The following SLC45A1 variants were observed in gnomAD, a reference collection of about 807,000 sequenced individuals.
SLC45A1 encodes solute carrier family 45 member 1.
A neutral mutation model predicts 57.6 loss-of-function variants in SLC45A1; 28 were observed. The observed-to-expected ratio is 0.49, with a 90% CI of 0.36 to 0.67. SLC45A1 has a LOEUF of 0.67. Ranked by LOEUF, SLC45A1 falls within the 30% of genes least tolerant of loss-of-function variation. The pLI, the probability that SLC45A1 is intolerant of heterozygous loss-of-function variation, is 0.00. For missense variants in SLC45A1, 814 were observed against 1,041.5 expected, an observed-to-expected ratio of 0.78 and a Z score of 3.01; for synonymous variants, 459 against 471.5, an observed-to-expected ratio of 0.97 and a Z score of 0.34.
Position 8,330,381 on chromosome 1 carries a change from G to A in SLC45A1, c.888G>A (p.Pro296=), listed in dbSNP as rs780832242. The change falls in exon 5 of 9, where the codon CCG becomes CCA. Residue 296 remains proline (P), a synonymous_variant. Coordinates refer to ENST00000471889, the MANE Select transcript of SLC45A1 (RefSeq NM_001080397.3). This position sits in a 1 kb window ranked among gnomAD's most constrained non-coding sequence, Gnocchi z 8.4. ...TCCCTGAGAGGCCGCTGCGGCCGCC[G>A]AGTGAGAAGCGGGCAGCCATGAAGA... ...VSIPERPLRP[P]SEKRAAMKSP... 37 of 1,612,802 alleles carry A rather than the reference G, an allele frequency of 2.3e-5. No individual in the cohort carries two copies. The highest frequency in any genetic ancestry group is 1.2e-4 in the Admixed American group (7 of 59,992).
rs933145486 is a variant in SLC45A1, at chr1:8,343,362, G to A, written c.1981-385G>A. ...GTCATGTGCAGAGGACTTTGGGGGT[G>A]TAGGGCAGGTCCCATCCTGGATGAA... On this transcript the variant is annotated intron_variant, in intron 8 of 8. Coordinates refer to ENST00000471889, the MANE Select transcript of SLC45A1 (RefSeq NM_001080397.3). The surrounding 1 kb of genome is among the most constrained non-coding windows in gnomAD (Gnocchi z 7.7). Among the ~76,000 whole-genome samples, 1 of 152,196 alleles carries A rather than the reference G, an allele frequency of 6.6e-6. No individual in the cohort carries two copies. The highest frequency in any genetic ancestry group is 2.1e-4 in the South Asian group (1 of 4,834).
At chr1:8,340,967 T>A (rs1231338758) in intron 8 of SLC45A1, among the ~76,000 whole-genome samples, 5 of 151,260 alleles carry the variant, frequency 3.3e-5, no homozygotes, top group Non-Finnish European at 7.4e-5. Context: ...CTGAGGTGGG[T>A]GGATCACGAG....
At chr1:8,320,071 T>C (rs1289302026) in intron 1 of SLC45A1, among the ~76,000 whole-genome samples, 1 of 152,214 alleles carries the variant, frequency 6.6e-6, no homozygotes, top group Middle Eastern at 3.2e-3. Context: ...GAACAGTTTT[T>C]ACTAAATGTA....
chr1:8,334,439 A>G lies in SLC45A1; in HGVS notation c.1444-998A>G, dbSNP rs547402697. ...CAGCAACGCCTCTTTGCTCTCAAAC[A>G]TCTAAATTCAAAAACGACTAGTTCC... On this transcript the variant is annotated intron_variant, in intron 5 of 8. Coordinates refer to ENST00000471889, the MANE Select transcript of SLC45A1 (RefSeq NM_001080397.3). Among the ~76,000 whole-genome samples the G allele has an allele frequency of 3.7e-4, 56 of 152,314 alleles. No individual in the cohort carries two copies. The East Asian group carries it at 5.4e-3, about 15-fold the overall frequency.
At chr1:8,342,571 G>A (rs989183725) in intron 8 of SLC45A1, among the ~76,000 whole-genome samples, 2 of 152,122 alleles carry the variant, frequency 1.3e-5, no homozygotes, top group Admixed American at 6.5e-5. Flanking sequence ...TGTGGGCTTC[G>A]AGCTCCATCT....
rs773728436 is a variant in SLC45A1, at chr1:8,325,662, T to C, written c.491-156T>C. Among the ~76,000 whole-genome samples the C allele has an allele frequency of 2.4e-4, 36 of 152,152 alleles. No individual in the cohort carries two copies. Among genetic ancestry groups the C allele is most frequent in the Non-Finnish European group, 5.1e-4 (35 of 68,020 alleles). ...AAAACCCCCATCCAAGTGCAAAATA[T>C]ATGGTGAGTTTGCAGGCGGCTTTTC... is the stretch of plus-strand genomic sequence containing the variant. On this transcript the variant is annotated intron_variant, in intron 3 of 8. Transcript: ENST00000471889. The surrounding 1 kb of genome is among the most constrained non-coding windows in gnomAD (Gnocchi z 6.3).
intron 6 of SLC45A1, among the ~76,000 whole-genome samples, chr1:8,337,580 G>A (rs990564724): frequency 5.3e-5 from 8 of 152,010 alleles, no homozygotes; most frequent in South Asian, 2.1e-4. Flanking sequence ...CACCATGCCT[G>A]GCTAATTTTT....
chr1:8,344,115 C>T lies in SLC45A1; in HGVS notation c.*102C>T, dbSNP rs1640927411. 1.5e-5 allele frequency: 16 copies of T among 1,067,262 alleles called. No homozygotes were observed. The highest frequency in any genetic ancestry group is 2.1e-5 in the Non-Finnish European group (16 of 751,022). 66.1% of individuals were successfully genotyped at this position (1,067,262 alleles called of 1,614,324 possible). A position where few individuals can be genotyped will look rare whatever the true frequency, so the allele number is the denominator to read the frequency against. On this transcript the variant is annotated 3_prime_UTR_variant, in exon 9 of 9. Transcript: ENST00000471889. Reference sequence around the variant, plus strand: ...CCTTGTTGGACAGGGGGACTGGCTGCCTACTGGAATGTAAATATGTGATAA... The same window carrying T: ...CCTTGTTGGACAGGGGGACTGGCTGTCTACTGGAATGTAAATATGTGATAA...
In SLC45A1 at chr1:8,324,956, C is replaced by T. The variant is rs2292241; in HGVS notation, c.397+230C>T. 2.3e-3 allele frequency among the ~76,000 whole-genome samples: 351 copies of T among 152,282 alleles called. 4 individuals are homozygous for T. In the East Asian group the frequency reaches 0.042, roughly 18 times the overall value. On this transcript the variant is annotated intron_variant, in intron 2 of 8. Transcript: ENST00000471889. ...TTAGCAGCTCCCCGAGGGCTGACAC[C>T]GTCTGATGCCAGGCTCTCCTTGTTG...
chr1:8,339,467 C>G, intron 7 of SLC45A1, 26 bp from the exon 8 acceptor site: 4 of 1,612,820 alleles, frequency 2.5e-6, no homozygotes, highest in Non-Finnish European at 3.4e-6. Flanking sequence ...CCGTGTGGCA[C>G]TGCTCACCCT....
At position 8,330,419 on chromosome 1, in the gene SLC45A1, C is replaced by T. The variant is rs765337069; in HGVS notation, c.926C>T (p.Pro309Leu). Residue 309 changes from proline (P) to leucine (L), a missense_variant, in exon 5 of 9, where the codon CCG becomes CTG. Physicochemically the swap from Pro to Leu is moderately conservative, Grantham distance 98. Coordinates refer to ENST00000471889, the MANE Select transcript of SLC45A1 (RefSeq NM_001080397.3). This position sits in a 1 kb window ranked among gnomAD's most constrained non-coding sequence, Gnocchi z 8.4. ...KRAAMKSPSL[P>L]LPPSPPVLPE... is the part of the protein sequence containing the mutation. ...GCAGCCATGAAGAGCCCCAGCCTCC[C>T]GCTGCCCCCGTCCCCACCCGTCCTG... 21 of 1,611,464 alleles carry T rather than the reference C, an allele frequency of 1.3e-5. No homozygotes were observed. In the East Asian group the frequency reaches 1.8e-4, roughly 14 times the overall value.
At chr1:8,333,039 G>A (rs371843512) in intron 5 of SLC45A1, among the ~76,000 whole-genome samples, 8 of 152,116 alleles carry the variant, frequency 5.3e-5, no homozygotes, top group African/African-American at 1.9e-4. Context: ...CTCGGCCGCA[G>A]ACGCACGTGG....
Position 8,343,683 on chromosome 1 carries a change from C to A in SLC45A1, c.1981-64C>A. ...GGCCTCCTGGGCTCGCAGGACACAC[C>A]GAGCTCGGTCACCCCGTGCTGGCCG... is the stretch of plus-strand genomic sequence containing the variant. On this transcript the variant is annotated intron_variant, in intron 8 of 8. Transcript: ENST00000471889. The surrounding 1 kb of genome is among the most constrained non-coding windows in gnomAD (Gnocchi z 7.7). 1 of 1,551,170 alleles carries A rather than the reference C, an allele frequency of 6.4e-7. No individual in the cohort carries two copies.
chr1:8,319,670 C>T (rs532259431), intron 1 of SLC45A1, among the ~76,000 whole-genome samples: 1 of 152,184 alleles, frequency 6.6e-6, no homozygotes, highest in South Asian at 2.1e-4. Context: ...TCTTAAATTC[C>T]ACTTTCACCC....
At chr1:8,334,712 A>AAAC (rs869151253) in intron 5 of SLC45A1, among the ~76,000 whole-genome samples, 4 of 152,150 alleles carry the variant, frequency 2.6e-5, no homozygotes, top group South Asian at 2.1e-4. Context: ...AAAACAACAA[A>AAAC]AACAACAACA....
intron 5 of SLC45A1, among the ~76,000 whole-genome samples, chr1:8,331,829 G>C (rs1388930179): frequency 7.0e-6 from 1 of 143,160 alleles, no homozygotes; most frequent in African/African-American, 2.6e-5. Context: ...GTCTCACTCT[G>C]TCGCCCAGGC....
chr1:8,338,822 G>T (rs1421524821), intron 7 of SLC45A1, among the ~76,000 whole-genome samples: 1 of 151,846 alleles, frequency 6.6e-6, no homozygotes. Flanking sequence ...GCTGGACTTC[G>T]CCTTCGATCC....
chr1:8,330,622 C>T lies in SLC45A1; in HGVS notation c.1129C>T (p.Leu377Phe). The T allele has an allele frequency of 1.9e-6, 3 of 1,613,626 alleles. No individual in the cohort carries two copies. The South Asian group carries it at 3.3e-5, about 18-fold the overall frequency. The change falls in exon 5 of 9, where the codon CTC becomes TTC. Residue 377 changes from leucine (L) to phenylalanine (F), a missense_variant. Transcript: ENST00000471889. This position sits in a 1 kb window ranked among gnomAD's most constrained non-coding sequence, Gnocchi z 8.4. Reference sequence around the variant, plus strand: ...TGGCACGGCCAACATAGACAGCGTCCTCATTGACTGCTTCACGGGCGGCCA... The same window carrying T: ...TGGCACGGCCAACATAGACAGCGTCTTCATTGACTGCTTCACGGGCGGCCA... ...SFGTANIDSVLIDCFTGGHDS... is the reference protein window; with the variant it reads ...SFGTANIDSVFIDCFTGGHDS...
intron 1 of SLC45A1, among the ~76,000 whole-genome samples, chr1:8,322,194 G>C (rs1346421447): frequency 1.5e-5 from 2 of 135,404 alleles, no homozygotes; most frequent in African/African-American, 5.7e-5. Context: ...TGGATGGATG[G>C]ATGAGTGGGT....
Sources: allele counts gnomAD v4.1 joint callset (sites outside exome capture counted in the v4.1 genomes callset), GRCh38; gene constraint gnomAD v4.1.1; non-coding constraint Gnocchi (gnomAD v3.1); transcripts MANE v1.5; gene names NCBI Gene and HGNC (gene_info 2026-07-23, HGNC 2026-07-21).